Variants in DSCAM observed in about 807,000 individuals in gnomAD.
The protein encoded by DSCAM is DS cell adhesion molecule.
DSCAM carries 47 observed loss-of-function variants against 217.7 expected under a neutral mutation model. The observed-to-expected ratio is 0.22, with a 90% CI of 0.17 to 0.28. DSCAM has a LOEUF of 0.28. DSCAM is among the 10% of genes least tolerant of loss of function. The pLI, the probability that DSCAM is intolerant of heterozygous loss-of-function variation, is 1.00. For synonymous variants in DSCAM, 1,056 were observed against 1,015.3 expected, an observed-to-expected ratio of 1.04 and a Z score of -0.76; for missense variants, 2,080 against 2,618.3, an observed-to-expected ratio of 0.79 and a Z score of 4.49.
At chr21:40,083,255 C>T (rs904586158) in intron 24 of DSCAM, among the ~76,000 whole-genome samples, 3 of 152,184 alleles carry the variant, frequency 2.0e-5, no homozygotes, top group African/African-American at 7.2e-5. Context: ...ATGGCAAAAC[C>T]CCGTCTCTAG....
At chr21:40,312,971 G>T (rs943294206) in intron 8 of DSCAM, among the ~76,000 whole-genome samples, 1 of 151,986 alleles carries the variant, frequency 6.6e-6, no homozygotes, top group Admixed American at 6.5e-5. Flanking sequence ...TAAAAAATTA[G>T]CCAGGTGCGA....
intron 28 of DSCAM, among the ~76,000 whole-genome samples, chr21:40,058,565 T>A (rs1178243969): frequency 6.6e-6 from 1 of 152,170 alleles, no homozygotes; most frequent in Non-Finnish European, 1.5e-5. Context: ...ATCCTCACAT[T>A]GATTTATTTT....
At chr21:40,431,868 T>G (rs576434137) in intron 3 of DSCAM, among the ~76,000 whole-genome samples, 8 of 152,170 alleles carry the variant, frequency 5.3e-5, no homozygotes, top group Non-Finnish European at 1.0e-4. Context: ...TGCCACCAAC[T>G]TAGTGGCTTA....
intron 1 of DSCAM, among the ~76,000 whole-genome samples, chr21:40,755,782 A>C (rs1328113754): frequency 6.6e-6 from 1 of 152,214 alleles, no homozygotes; most frequent in African/African-American, 2.4e-5. Context: ...ATATTCATAT[A>C]GCTTCTATGG....
intron 8 of DSCAM, among the ~76,000 whole-genome samples, chr21:40,324,844 T>C (rs2123536528): frequency 6.6e-6 from 1 of 152,340 alleles, no homozygotes; most frequent in South Asian, 2.1e-4. Flanking sequence ...TTTACTTATT[T>C]AGTTAGAGAA....
intron 4 of DSCAM, among the ~76,000 whole-genome samples, chr21:40,364,745 C>T (rs916824622): frequency 6.9e-6 from 1 of 144,092 alleles, no homozygotes; most frequent in African/African-American, 2.6e-5. Context: ...TATATATACA[C>T]ACACTAGTAT....
intron 28 of DSCAM, among the ~76,000 whole-genome samples, chr21:40,057,986 C>T (rs576463481): frequency 6.6e-6 from 1 of 150,806 alleles, no homozygotes; most frequent in African/African-American, 2.4e-5. Flanking sequence ...CACCATTCTC[C>T]TTCCTCAGCC....
intron 3 of DSCAM, among the ~76,000 whole-genome samples, chr21:40,670,439 G>A (rs2062466002): frequency 6.6e-6 from 1 of 151,844 alleles, no homozygotes; most frequent in Non-Finnish European, 1.5e-5. Context: ...CCAGGAGGCT[G>A]AGGCAGGGGA....
At chr21:40,484,691 T>C (rs191275179) in intron 3 of DSCAM, among the ~76,000 whole-genome samples, 11 of 152,298 alleles carry the variant, frequency 7.2e-5, no homozygotes, top group Admixed American at 5.2e-4. Context: ...TTCTCCAGCT[T>C]GCATGAGGCC....
In DSCAM at chr21:40,152,279, T is replaced by A. The variant is rs115619898; in HGVS notation, c.3019-7548A>T. Among the ~76,000 whole-genome samples, 1,402 of 152,342 alleles carry A rather than the reference T, an allele frequency of 9.2e-3. 24 individuals carry two copies. Among genetic ancestry groups the A allele is most frequent in the African/African-American group, 0.032 (1,321 of 41,584 alleles). On this transcript the variant is annotated intron_variant, in intron 16 of 32. Coordinates refer to ENST00000400454, the MANE Select transcript of DSCAM (RefSeq NM_001389.5). ...ACGTATTTACAAACAACCGACTTCTTTCCTAAGTGAGTGCTTTCTGTTTGC... is the reference window on the plus strand; with the variant it reads ...ACGTATTTACAAACAACCGACTTCTATCCTAAGTGAGTGCTTTCTGTTTGC...
chr21:40,603,639 CA>C (rs1358821149), intron 3 of DSCAM, among the ~76,000 whole-genome samples: 1 of 151,988 alleles, frequency 6.6e-6, no homozygotes, highest in Non-Finnish European at 1.5e-5. Context: ...TTGTGTCTGA[CA>C]AAAATCTTTA....
chr21:40,085,897 G>C, intron 22 of DSCAM, 132 bp from the exon 23 acceptor site: 1 of 754,476 alleles, frequency 1.3e-6, no homozygotes, highest in Non-Finnish European at 1.9e-6. Context: ...CATTATGAAA[G>C]AACTAAATAT....
Position 40,093,721 on chromosome 21 carries a change from C to A in DSCAM, c.3850G>T (p.Ala1284Ser), listed in dbSNP as rs960653908. The A allele has an allele frequency of 1.2e-6, 2 of 1,613,816 alleles. No individual in the cohort carries two copies. Among genetic ancestry groups the A allele is most frequent in the Non-Finnish European group, 1.7e-6 (2 of 1,179,910 alleles). ...TGAGGTCCTTATAGCCACTGCCTAC[C>A]TTTTGCTAGTGGCTCGACTGTGATG... ...EIITVEPLAK[A>S]PARILTFSGT... Residue 1284 changes from alanine (A) to serine (S), a missense_variant and splice_region_variant, in exon 21 of 33, where the codon GCT becomes TCT. Physicochemically the swap from Ala to Ser is moderately conservative, Grantham distance 99. Transcript: ENST00000400454.
chr21:40,403,041 G>C (rs1387023611), intron 3 of DSCAM, among the ~76,000 whole-genome samples: 1 of 151,110 alleles, frequency 6.6e-6, no homozygotes, highest in Non-Finnish European at 1.5e-5. Context: ...TCCTTCACTA[G>C]ACACTGAAAG....
At chr21:40,322,726 T>C (rs1211116999) in intron 8 of DSCAM, among the ~76,000 whole-genome samples, 1 of 152,148 alleles carries the variant, frequency 6.6e-6, no homozygotes, top group Non-Finnish European at 1.5e-5. Flanking sequence ...GGTTTCACCA[T>C]GTTAGCCAGG....
chr21:40,106,363 A>G (rs1291285813), intron 20 of DSCAM, among the ~76,000 whole-genome samples: 1 of 152,156 alleles, frequency 6.6e-6, no homozygotes, highest in East Asian at 1.9e-4. Context: ...GTATTGCTGG[A>G]TTCAGTTTTT....
chr21:40,178,888 G>A (rs1237299499), intron 15 of DSCAM, 39 bp downstream of exon 15: 5 of 1,610,912 alleles, frequency 3.1e-6, no homozygotes, highest in East Asian at 2.2e-5. Flanking sequence ...GTTAGCTCCC[G>A]GGCTCCTCTG....
chr21:40,332,340 G>T (rs2074386147), intron 8 of DSCAM, among the ~76,000 whole-genome samples: 1 of 152,160 alleles, frequency 6.6e-6, no homozygotes, highest in Non-Finnish European at 1.5e-5. Flanking sequence ...CTGCGTTTGA[G>T]TCTTGAATGT....
At chr21:40,740,619 T>G (rs1334952653) in intron 1 of DSCAM, among the ~76,000 whole-genome samples, 1 of 152,194 alleles carries the variant, frequency 6.6e-6, no homozygotes, top group African/African-American at 2.4e-5. Context: ...TTGGATAAAG[T>G]GAATGGAAGG....
Sources: allele counts gnomAD v4.1 joint callset (sites outside exome capture counted in the v4.1 genomes callset), GRCh38; gene constraint gnomAD v4.1.1; transcripts MANE v1.5; gene names NCBI Gene and HGNC (gene_info 2026-07-23, HGNC 2026-07-21).